SCO2: variants seen among roughly 807,000 people sequenced by gnomAD.
The protein encoded by SCO2 is cytochrome c oxidase assembly factor SCO2.
For synonymous variants in SCO2, 195 were observed against 148.6 expected (o/e 1.31, Z -2.27); for missense variants, 429 against 348.7 (o/e 1.23, Z -1.83).
chr22:50,526,086 C>T (rs1322283167), upstream of SCO2: 2 of 1,486,414 alleles, frequency 1.3e-6, no homozygotes, highest in East Asian at 2.9e-5. Flanking sequence ...TGCGCCCGGC[C>T]CCGAGCTCGT....
chr22:50,526,165 C>T, upstream of SCO2: 10 of 1,471,604 alleles, frequency 6.8e-6, no homozygotes, highest in Non-Finnish European at 9.0e-6. Flanking sequence ...GGCTGAGAGG[C>T]GCGGGCTCGG....
Position 50,525,541 on chromosome 22 carries a change from T to C in SCO2, c.-83A>G, listed in dbSNP as rs886057632. On this transcript the variant is annotated 5_prime_UTR_variant, in exon 1 of 2. Coordinates refer to ENST00000395693, the MANE Select transcript of SCO2 (RefSeq NM_005138.3). ...CGCCGACCTCCAGCTCCCTGCGCTC[T>C]GCCCCGCCGGCTCAGGGAAAGCGGG... 7.8e-5 allele frequency: 50 copies of C among 642,444 alleles called. No homozygotes were observed. Among genetic ancestry groups the C allele is most frequent in the Non-Finnish European group, 1.3e-4 (48 of 381,144 alleles). The allele number at this position is 642,444 out of a possible 1,614,324, so 39.8% of individuals were successfully genotyped here.
chr22:50,525,073 G>A (rs1039985768), intron 1 of SCO2, among the ~76,000 whole-genome samples: 3 of 152,218 alleles, frequency 2.0e-5, no homozygotes, highest in African/African-American at 7.2e-5. Context: ...TGACCTTTGA[G>A]CCTTTCCCAC....
chr22:50,523,757 C>T lies in SCO2; in HGVS notation c.655G>A (p.Asp219Asn), dbSNP rs2069193099. 3.7e-6 allele frequency: 6 copies of T among 1,614,076 alleles called. No homozygotes were observed. The highest frequency in any genetic ancestry group is 1.7e-5 in the Admixed American group (1 of 60,004). ...YNAGPKDEDQ[D>N]YIVDHSIAIY... ...GCAATGGAGTGGTCCACGATGTAGTCCTGGTCCTCATCCTTGGGGCCTGCA... is the reference window on the plus strand; with the variant it reads ...GCAATGGAGTGGTCCACGATGTAGTTCTGGTCCTCATCCTTGGGGCCTGCA... Residue 219 changes from aspartate (D) to asparagine (N), a missense_variant, in exon 2 of 2, where the codon GAC (aspartate) becomes AAC (asparagine). By Grantham distance (23) the Asp-to-Asn change is conservative (BLOSUM62 1). Coordinates refer to ENST00000395693, the MANE Select transcript of SCO2 (RefSeq NM_005138.3).
At chr22:50,525,804 G>A (rs767852785), upstream of SCO2, 4 of 1,610,764 alleles carry the variant, frequency 2.5e-6, no homozygotes, top group South Asian at 2.2e-5. Flanking sequence ...CTCTGCGAAG[G>A]GCGAGGGGGC....
chr22:50,525,694 G>A (rs1278040899), upstream of SCO2: 9 of 1,559,220 alleles, frequency 5.8e-6, no homozygotes, highest in East Asian at 2.4e-5. Context: ...TGTTCATCGA[G>A]ACGGCCCCCG....
chr22:50,525,999 A>ACCACGGCGCAGCCTCTGAC, upstream of SCO2: 1 of 1,423,048 alleles, frequency 7.0e-7, no homozygotes, highest in Non-Finnish European at 9.1e-7. Context: ...GGCGGCGCTC[A>ACCACGGCGCAGCCTCTGAC]CCACGGCGCA....
upstream of SCO2, chr22:50,526,147 G>T: frequency 6.7e-7 from 1 of 1,482,496 alleles, no homozygotes; most frequent in Non-Finnish European, 8.9e-7. Context: ...GGTGCCTGCG[G>T]GGAGAGGGGC....
In SCO2 at chr22:50,525,576, C is replaced by T. The variant is rs2069312825; in HGVS notation, c.-118G>A. ...GCTCAGGGAAAGCGGGCGCCACACG[C>T]TCACAGGCAGGGCGCAGGCGTCCCC... On this transcript the variant is annotated 5_prime_UTR_variant, in exon 1 of 2. Transcript: ENST00000395693. The T allele has an allele frequency of 2.4e-6, 2 of 832,874 alleles. No individual in the cohort carries two copies. The highest frequency in any genetic ancestry group is 2.3e-5 in the Admixed American group (1 of 42,676). The allele number at this position is 832,874 out of a possible 1,614,324, so 51.6% of individuals were successfully genotyped here.
At position 50,524,165 on chromosome 22, in the gene SCO2, CCTT is replaced by C. The variant is rs757005556; in HGVS notation, c.244_246del (p.Lys82del). 51 of 1,610,488 alleles carry C rather than the reference CCTT, an allele frequency of 3.2e-5. No individual in the cohort carries two copies. The highest frequency in any genetic ancestry group is 1.7e-4 in the Middle Eastern group (1 of 6,042). On this transcript the variant is annotated inframe_deletion, in exon 2 of 2. Transcript: ENST00000395693. Reference sequence around the variant, plus strand: ...GTTCGCTTTTGCTGCTGCAGCCTCTCCTTCTCAGCCCTCAGGGCCAGCCAGGCC... The same window carrying C: ...GTTCGCTTTTGCTGCTGCAGCCTCTCCTCAGCCCTCAGGGCCAGCCAGGCC...
upstream of SCO2, chr22:50,525,622 G>T: frequency 8.0e-7 from 1 of 1,243,778 alleles, no homozygotes; most frequent in East Asian, 2.6e-5. Context: ...ATGCGCACAC[G>T]GGCGCAGCCG....
Position 50,524,092 on chromosome 22 carries a change from A to G in SCO2, c.320T>C (p.Leu107Pro). 2 of 1,613,104 alleles carry G rather than the reference A, an allele frequency of 1.2e-6. No individual in the cohort carries two copies. The highest frequency in any genetic ancestry group is 1.7e-6 in the Non-Finnish European group (2 of 1,180,000). ...AAVGQGDFHL[L>P]DHRGRARCKA... ...GCAGCGAGCCCGGCCTCTGTGATCC[A>G]GCAGGTGGAAGTCGCCCTGGCCCAC... The change falls in exon 2 of 2, where the codon CTG (leucine) becomes CCG (proline). Residue 107 changes from leucine (L) to proline (P), a missense_variant. Transcript: ENST00000395693.
At position 50,525,486 on chromosome 22, in the gene SCO2, G is replaced by C. The variant is rs1361445041; in HGVS notation, c.-28C>G. The C allele has an allele frequency of 2.2e-5, 11 of 489,590 alleles. No individual in the cohort carries two copies. 30.3% of individuals were successfully genotyped at this position (489,590 alleles called of 1,614,324 possible). A position where few individuals can be genotyped will look rare whatever the true frequency, so the allele number is the denominator to read the frequency against. ...GGCGTCCGCACCTCGCGGCGGGGCC[G>C]CGCGTCAGTGGACCAAGCACGAGAG... On this transcript the variant is annotated 5_prime_UTR_variant, in exon 1 of 2. Transcript: ENST00000395693.
chr22:50,524,089 T>C lies in SCO2; in HGVS notation c.323A>G (p.Asp108Gly), dbSNP rs754147749. 1.9e-6 allele frequency: 3 copies of C among 1,613,156 alleles called. No homozygotes were observed. Among genetic ancestry groups the C allele is most frequent in the Non-Finnish European group, 2.5e-6 (3 of 1,180,014 alleles). ...CTTGCAGCGAGCCCGGCCTCTGTGATCCAGCAGGTGGAAGTCGCCCTGGCC... is the reference window on the plus strand; with the variant it reads ...CTTGCAGCGAGCCCGGCCTCTGTGACCCAGCAGGTGGAAGTCGCCCTGGCC... ...AVGQGDFHLL[D>G]HRGRARCKAD... Residue 108 changes from aspartate (D) to glycine (G), a missense_variant, in exon 2 of 2, where the codon GAT becomes GGT. Coordinates refer to ENST00000395693, the MANE Select transcript of SCO2 (RefSeq NM_005138.3).
upstream of SCO2, chr22:50,525,687 T>G: frequency 6.5e-7 from 1 of 1,549,514 alleles, no homozygotes; most frequent in Non-Finnish European, 8.7e-7. Flanking sequence ...GGTCACGTGT[T>G]CATCGAGACG....
At position 50,525,549 on chromosome 22, in the gene SCO2, C is replaced by G. The variant is rs1435430912; in HGVS notation, c.-91G>C. ...TCCAGCTCCCTGCGCTCTGCCCCGC[C>G]GGCTCAGGGAAAGCGGGCGCCACAC... On this transcript the variant is annotated 5_prime_UTR_variant, in exon 1 of 2. Transcript: ENST00000395693. 1 of 662,896 alleles carries G rather than the reference C, an allele frequency of 1.5e-6. No homozygotes were observed. The highest frequency in any genetic ancestry group is 2.9e-5 in the East Asian group (1 of 34,064). 41.1% of individuals were successfully genotyped at this position (662,896 alleles called of 1,614,324 possible).
upstream of SCO2, chr22:50,526,136 C>T (rs1445298085): frequency 2.7e-6 from 4 of 1,485,174 alleles, no homozygotes; most frequent in South Asian, 1.3e-5. Context: ...ACCAGCTCCA[C>T]GGTGCCTGCG....
chr22:50,525,693 A>G, upstream of SCO2: 1 of 1,558,680 alleles, frequency 6.4e-7, no homozygotes, highest in South Asian at 1.2e-5. Context: ...GTGTTCATCG[A>G]GACGGCCCCC....
At chr22:50,526,117 A>G, upstream of SCO2, 2 of 1,488,688 alleles carry the variant, frequency 1.3e-6, no homozygotes, top group Non-Finnish European at 8.9e-7. Flanking sequence ...CGCCAGCGGC[A>G]GCGCCCGGAC....
Sources: gnomAD v4.1 joint callset for allele counts (sites outside exome capture counted in the v4.1 genomes callset) on GRCh38, gnomAD v4.1.1 for gene constraint, MANE v1.5 for transcripts, NCBI Gene and HGNC (gene_info 2026-07-23, HGNC 2026-07-21) for gene names.